The following RAD51B variants were observed in gnomAD, a reference collection of about 807,000 sequenced individuals.
The protein encoded by RAD51B is DNA repair protein RAD51 homolog 2.
In RAD51B, 38 loss-of-function variants were observed where a neutral mutation model predicts 42.2. That is an observed-to-expected ratio of 0.90 (90% CI 0.70 to 1.18). RAD51B has a LOEUF of 1.18. Among genes scored for constraint, RAD51B ranks in the 50% most tolerant of loss-of-function variants. RAD51B has a pLI of 0.00. For missense variants in RAD51B, 373 were observed against 400.7 expected, an observed-to-expected ratio of 0.93 and a Z score of 0.59; for synonymous variants, 154 against 145.2, an observed-to-expected ratio of 1.06 and a Z score of -0.43.
At chr14:68,616,692 T>G (rs145524712) in intron 10 of RAD51B, among the ~76,000 whole-genome samples, 165 of 152,322 alleles carry the variant, frequency 1.1e-3, no homozygotes, top group African/African-American at 3.8e-3. Context: ...TCCCTCTTTT[T>G]TCTTTTTCAA....
intron 7 of RAD51B, among the ~76,000 whole-genome samples, chr14:67,966,894 C>T (rs1295118175): frequency 6.6e-6 from 1 of 152,184 alleles, no homozygotes; most frequent in African/African-American, 2.4e-5. Context: ...ACCCTTTCCT[C>T]TTCTCATAGC....
At chr14:68,216,754 C>T (rs1486778152) in intron 7 of RAD51B, among the ~76,000 whole-genome samples, 1 of 152,152 alleles carries the variant, frequency 6.6e-6, no homozygotes, top group Non-Finnish European at 1.5e-5. Context: ...CCTCCTCCAT[C>T]AGCAGGGATT....
chr14:68,151,095 T>C (rs2078369622), intron 7 of RAD51B, among the ~76,000 whole-genome samples: 1 of 151,988 alleles, frequency 6.6e-6, no homozygotes, highest in Non-Finnish European at 1.5e-5. Context: ...GGTGTAGGTC[T>C]CCTTGTGATG....
intron 7 of RAD51B, among the ~76,000 whole-genome samples, chr14:67,942,937 C>T (rs1386014684): frequency 1.3e-5 from 2 of 152,042 alleles, no homozygotes; most frequent in African/African-American, 2.4e-5. Context: ...ATGCTCCTTT[C>T]TTGGTACGTT....
intron 11 of RAD51B, among the ~76,000 whole-genome samples, chr14:68,673,876 G>GCA (rs143867476): frequency 0.47 from 65,250 of 137,752 alleles, 15,156 homozygotes; most frequent in African/African-American, 0.66. Flanking sequence ...CACATACTGT[G>GCA]CACACACATG....
chr14:68,128,896 A>G (rs1454227522), intron 7 of RAD51B, among the ~76,000 whole-genome samples: 2 of 152,202 alleles, frequency 1.3e-5, no homozygotes, highest in East Asian at 3.8e-4. Context: ...TTACTCTGAA[A>G]GGTAATTTCC....
intron 10 of RAD51B, among the ~76,000 whole-genome samples, chr14:68,527,877 CAAT>C (rs903815352): frequency 3.3e-5 from 5 of 152,218 alleles, no homozygotes; most frequent in Non-Finnish European, 1.5e-5. Flanking sequence ...TAAATATTAA[CAAT>C]GATTATTTCT....
chr14:67,984,139 A>G (rs1000599461), intron 7 of RAD51B, among the ~76,000 whole-genome samples: 1 of 152,062 alleles, frequency 6.6e-6, no homozygotes, highest in Non-Finnish European at 1.5e-5. Flanking sequence ...GGGTTTCACC[A>G]TCTTGGCCAG....
chr14:68,189,617 A>G (rs1450433684), intron 7 of RAD51B, among the ~76,000 whole-genome samples: 3 of 152,098 alleles, frequency 2.0e-5, no homozygotes, highest in Admixed American at 6.6e-5. Context: ...CCTTTTCCTC[A>G]CTATTTATTC....
chr14:68,092,581 A>T (rs1358564115), intron 7 of RAD51B, among the ~76,000 whole-genome samples: 1 of 152,202 alleles, frequency 6.6e-6, no homozygotes, highest in Non-Finnish European at 1.5e-5. Flanking sequence ...GTTGCTTATC[A>T]GCTTAAGGAG....
chr14:68,447,425 T>C (rs1276949761), intron 9 of RAD51B, among the ~76,000 whole-genome samples: 1 of 152,148 alleles, frequency 6.6e-6, no homozygotes, highest in African/African-American at 2.4e-5. Context: ...ATCTTATGCA[T>C]TTGCTGTTCT....
At chr14:68,071,919 C>T (rs767795710) in intron 7 of RAD51B, among the ~76,000 whole-genome samples, 6 of 150,314 alleles carry the variant, frequency 4.0e-5, no homozygotes, top group Non-Finnish European at 5.9e-5. Context: ...TTTTGTATTA[C>T]CGATTCAATT....
At chr14:68,132,761 A>G (rs2077921232) in intron 7 of RAD51B, among the ~76,000 whole-genome samples, 1 of 152,216 alleles carries the variant, frequency 6.6e-6, no homozygotes, top group South Asian at 2.1e-4. Flanking sequence ...TTCCCTCTGC[A>G]GACTTACTCT....
At chr14:68,069,162 G>A (rs1432180558) in intron 7 of RAD51B, among the ~76,000 whole-genome samples, 1 of 152,148 alleles carries the variant, frequency 6.6e-6, no homozygotes, top group East Asian at 1.9e-4. Flanking sequence ...TTAGGCTACT[G>A]AGCAGGGGTA....
At chr14:68,511,441 G>C in intron 10 of RAD51B, among the ~76,000 whole-genome samples, 1 of 152,174 alleles carries the variant, frequency 6.6e-6, no homozygotes, top group Non-Finnish European at 1.5e-5. Context: ...ATCACCCTAG[G>C]GGGTGACAGG....
intron 9 of RAD51B, among the ~76,000 whole-genome samples, chr14:68,424,541 A>G (rs949424730): frequency 6.6e-5 from 10 of 152,206 alleles, no homozygotes; most frequent in African/African-American, 2.4e-4. Flanking sequence ...ATACTGTTCC[A>G]TACTGACCTG....
intron 9 of RAD51B, among the ~76,000 whole-genome samples, chr14:68,464,608 C>T (rs922122387): frequency 1.3e-5 from 2 of 152,212 alleles, no homozygotes; most frequent in Admixed American, 1.3e-4. Context: ...CAGGTTACTA[C>T]TGACCTTTTG....
chr14:68,032,678 T>A (rs898632294), intron 7 of RAD51B, among the ~76,000 whole-genome samples: 1 of 152,218 alleles, frequency 6.6e-6, no homozygotes, highest in East Asian at 1.9e-4. Context: ...AGCCTTCTAC[T>A]ATTCTCCCCT....
intron 4 of RAD51B, among the ~76,000 whole-genome samples, chr14:67,838,814 A>AC (rs1338601256): frequency 6.6e-6 from 1 of 152,102 alleles, no homozygotes; most frequent in Non-Finnish European, 1.5e-5. Flanking sequence ...TAAAAAAAAA[A>AC]AAACCTGTGA....
Sources: gnomAD v4.1 joint callset for allele counts (sites outside exome capture counted in the v4.1 genomes callset) on GRCh38, gnomAD v4.1.1 for gene constraint, MANE v1.5 for transcripts, NCBI Gene and HGNC (gene_info 2026-07-23, HGNC 2026-07-21) for gene names.